Variants in THSD7A observed in about 807,000 individuals in gnomAD.
THSD7A encodes thrombospondin type-1 domain-containing protein 7A.
THSD7A carries 96 observed loss-of-function variants against 231.3 expected under a neutral mutation model. That is an observed-to-expected ratio of 0.41 (90% CI 0.35 to 0.49). The LOEUF (loss-of-function observed/expected upper bound fraction) is 0.49, where lower values mean the gene tolerates loss of function less well. Ranked by LOEUF, THSD7A falls within the 20% of genes least tolerant of loss-of-function variation. The pLI is 0.05. For missense variants in THSD7A, 2,290 were observed against 2,070.2 expected (o/e 1.11, Z -2.06); for synonymous variants, 940 against 743.3 (o/e 1.26, Z -4.30).
chr7:11,803,422 A>G (rs998197703), intron 1 of THSD7A, among the ~76,000 whole-genome samples: 2 of 152,094 alleles, frequency 1.3e-5, no homozygotes, highest in Non-Finnish European at 2.9e-5. Context: ...TTTGGCATAA[A>G]TGGGTTTTAG....
In THSD7A at chr7:11,769,134, TA is replaced by T. The variant is rs1562541166; in HGVS notation, c.190+62622del. On this transcript the variant is annotated intron_variant, in intron 1 of 27. Coordinates refer to ENST00000423059, the MANE Select transcript of THSD7A (RefSeq NM_015204.3). Reference sequence around the variant, plus strand: ...CATAATTCCTGGCAATATATATATATATATATATATATATATATATTTTTTT... The same window carrying T: ...CATAATTCCTGGCAATATATATATATTATATATATATATATATATTTTTTT... Among the ~76,000 whole-genome samples, 98 of 45,940 alleles carry T rather than the reference TA, an allele frequency of 2.1e-3. 6 individuals are homozygous for T. The highest frequency in any genetic ancestry group is 3.5e-3 in the Non-Finnish European group (72 of 20,844). The allele number at this position is 45,940 out of a possible 152,430, so 30.1% of individuals were successfully genotyped here. A position where few individuals can be genotyped will look rare whatever the true frequency, so the allele number is the denominator to read the frequency against.
chr7:11,831,552 C>T lies in THSD7A; in HGVS notation c.190+205G>A, dbSNP rs536379072. On this transcript the variant is annotated intron_variant, in intron 1 of 27. Coordinates refer to ENST00000423059, the MANE Select transcript of THSD7A (RefSeq NM_015204.3). The surrounding 1 kb of genome is among the most constrained non-coding windows in gnomAD (Gnocchi z 5.0). ...CTGCGAGAGAAATATTCCAGCTACT[C>T]ACTGTTGCCTCTTAGTTGTTATGCT... Among the ~76,000 whole-genome samples, 47 of 152,320 alleles carry T rather than the reference C, an allele frequency of 3.1e-4. No individual in the cohort carries two copies. Among genetic ancestry groups the T allele is most frequent in the Admixed American group, 2.9e-3 (44 of 15,306 alleles).
chr7:11,643,555 C>T (rs185554970), intron 1 of THSD7A, among the ~76,000 whole-genome samples: 62 of 151,778 alleles, frequency 4.1e-4, no homozygotes, highest in Non-Finnish European at 6.8e-4. Flanking sequence ...TTTTTTACTT[C>T]ATAATGTGCT....
intron 1 of THSD7A, among the ~76,000 whole-genome samples, chr7:11,796,116 T>C (rs1015092121): frequency 1.4e-4 from 20 of 147,626 alleles, no homozygotes; most frequent in Non-Finnish European, 2.4e-4. Context: ...AGTGTAACGA[T>C]GTAGACACTT....
At chr7:11,715,327 G>A (rs1283022252) in intron 1 of THSD7A, among the ~76,000 whole-genome samples, 2 of 151,304 alleles carry the variant, frequency 1.3e-5, no homozygotes, top group East Asian at 2.0e-4. Context: ...TATTCTACAA[G>A]GATACTCCAA....
At chr7:11,554,937 G>T (rs1430092231) in intron 4 of THSD7A, among the ~76,000 whole-genome samples, 4 of 151,882 alleles carry the variant, frequency 2.6e-5, no homozygotes, top group Non-Finnish European at 4.4e-5. Context: ...TGTCTGTAAA[G>T]TGTGTAGTGA....
At chr7:11,464,721 C>T (rs1785632863) in intron 9 of THSD7A, among the ~76,000 whole-genome samples, 1 of 152,044 alleles carries the variant, frequency 6.6e-6, no homozygotes, top group Admixed American at 6.6e-5. Flanking sequence ...GTACAGCCTA[C>T]AGGATAGAGA....
chr7:11,401,678 T>G, intron 23 of THSD7A, 117 bp downstream of exon 23: 3 of 917,470 alleles, frequency 3.3e-6, no homozygotes, highest in Non-Finnish European at 4.6e-6. Flanking sequence ...TCCCAAAGCG[T>G]TGGGATTACA....
At chr7:11,464,669 C>A (rs183303244) in intron 9 of THSD7A, among the ~76,000 whole-genome samples, 13 of 152,150 alleles carry the variant, frequency 8.5e-5, no homozygotes, top group Admixed American at 8.5e-4. Context: ...TCCAGAGTGG[C>A]AATCCATTTA....
intron 6 of THSD7A, among the ~76,000 whole-genome samples, chr7:11,500,725 G>A (rs549310280): frequency 2.6e-5 from 4 of 152,056 alleles, no homozygotes; most frequent in Admixed American, 6.5e-5. Flanking sequence ...GGATCACGAG[G>A]TAGGTTCAAG....
chr7:11,431,193 G>T lies in THSD7A; in HGVS notation c.3065-2068C>A, dbSNP rs1026044130. Among the ~76,000 whole-genome samples, 33 of 152,286 alleles carry T rather than the reference G, an allele frequency of 2.2e-4. No individual in the cohort carries two copies. In the South Asian group the frequency reaches 3.1e-3, roughly 14 times the overall value. ...TTTTGGTGTTGTTTGAAGAACAAAAGTTTTAAATGTCAATGAAGTCCAGTT... is the reference window on the plus strand; with the variant it reads ...TTTTGGTGTTGTTTGAAGAACAAAATTTTTAAATGTCAATGAAGTCCAGTT... On this transcript the variant is annotated intron_variant, in intron 13 of 27. Coordinates refer to ENST00000423059, the MANE Select transcript of THSD7A (RefSeq NM_015204.3).
intron 1 of THSD7A, among the ~76,000 whole-genome samples, chr7:11,710,020 T>C (rs10225038): frequency 0.47 from 70,446 of 150,542 alleles, 16,908 homozygotes; most frequent in Admixed American, 0.54. Flanking sequence ...ATCTCAAGAA[T>C]CTTGTGAATT....
intron 1 of THSD7A, among the ~76,000 whole-genome samples, chr7:11,715,926 T>G (rs1258242122): frequency 6.6e-6 from 1 of 151,504 alleles, no homozygotes; most frequent in African/African-American, 2.4e-5. Context: ...AGCAACATTT[T>G]CATTAAGGTA....
rs147375450 is a variant in THSD7A, at chr7:11,537,334, A to T, written c.1822+4085T>A. 2.0e-5 allele frequency among the ~76,000 whole-genome samples: 3 copies of T among 152,316 alleles called. No homozygotes were observed. In the East Asian group the frequency reaches 5.8e-4, roughly 29 times the overall value. ...TGGATATGTGTCCCCACTAAATCTT[A>T]TATTGAAATGTAATCCCCACTGTTG... On this transcript the variant is annotated intron_variant, in intron 6 of 27. Coordinates refer to ENST00000423059, the MANE Select transcript of THSD7A (RefSeq NM_015204.3).
At position 11,654,027 on chromosome 7, in the gene THSD7A, A is replaced by C. The variant is rs147194280; in HGVS notation, c.191-17066T>G. Among the ~76,000 whole-genome samples the C allele has an allele frequency of 3.2e-3, 484 of 152,066 alleles. 2 individuals are homozygous for C. Among genetic ancestry groups the C allele is most frequent in the African/African-American group, 0.011 (451 of 41,534 alleles). ...ATCACTGAACATTGAGGAGAAGAAG[A>C]AGCACAATCCAAGTATTCTGTGTAG... On this transcript the variant is annotated intron_variant, in intron 1 of 27. Coordinates refer to ENST00000423059, the MANE Select transcript of THSD7A (RefSeq NM_015204.3).
chr7:11,447,143 A>G, intron 12 of THSD7A, 87 bp downstream of exon 12: 2 of 1,291,936 alleles, frequency 1.5e-6, no homozygotes, highest in Non-Finnish European at 1.1e-6. Context: ...TATTTTTCAA[A>G]TACACTGTCA....
chr7:11,390,851 C>T (rs1169877926), intron 23 of THSD7A, among the ~76,000 whole-genome samples: 1 of 152,160 alleles, frequency 6.6e-6, no homozygotes, highest in African/African-American at 2.4e-5. Context: ...CAATCAGAAC[C>T]CTCTGCTGCA....
At chr7:11,782,922 A>G (rs1211179368) in intron 1 of THSD7A, among the ~76,000 whole-genome samples, 2 of 152,170 alleles carry the variant, frequency 1.3e-5, no homozygotes, top group Admixed American at 6.5e-5. Flanking sequence ...CTTAATTATG[A>G]AAATACAAAC....
chr7:11,724,951 C>T lies in THSD7A; in HGVS notation c.191-87990G>A, dbSNP rs530121300. On this transcript the variant is annotated intron_variant, in intron 1 of 27. Coordinates refer to ENST00000423059, the MANE Select transcript of THSD7A (RefSeq NM_015204.3). ...TCTTCTTCTTCTTCTTCTTCTTCTT[C>T]GTTTTTTTAATTCTTATGGATAACT... is the stretch of plus-strand genomic sequence containing the variant. Among the ~76,000 whole-genome samples the T allele has an allele frequency of 2.3e-4, 35 of 151,754 alleles. 1 individual carries two copies. The South Asian group carries it at 3.3e-3, about 14-fold the overall frequency.
Sources: gnomAD v4.1 joint callset for allele counts (sites outside exome capture counted in the v4.1 genomes callset) on GRCh38, gnomAD v4.1.1 for gene constraint, Gnocchi (gnomAD v3.1) non-coding constraint, MANE v1.5 for transcripts, NCBI Gene and HGNC (gene_info 2026-07-23, HGNC 2026-07-21) for gene names.